PTPRD: variants seen among roughly 807,000 people sequenced by gnomAD.
PTPRD encodes the protein protein tyrosine phosphatase receptor type D.
In PTPRD, 34 loss-of-function variants were observed where a neutral mutation model predicts 214.5. That is an observed-to-expected ratio of 0.16 (90% CI 0.12 to 0.21). PTPRD has a LOEUF of 0.21. PTPRD is among the 10% of genes least tolerant of loss of function. The pLI is 1.00. For synonymous variants in PTPRD, 1,128 were observed against 845.7 expected (o/e 1.33, Z -5.79); for missense variants, 2,545 against 2,398.7 (o/e 1.06, Z -1.27).
At chr9:10,514,701 T>A (rs1482887450) in intron 2 of PTPRD, among the ~76,000 whole-genome samples, 1 of 151,958 alleles carries the variant, frequency 6.6e-6, no homozygotes, top group Non-Finnish European at 1.5e-5. Flanking sequence ...AACAAACATA[T>A]TCTTTATTGT....
At chr9:9,400,150 T>C (rs2069689419) in intron 8 of PTPRD, among the ~76,000 whole-genome samples, 1 of 148,914 alleles carries the variant, frequency 6.7e-6, no homozygotes, top group South Asian at 2.1e-4. Context: ...AAAATATGAG[T>C]TGTAAGTACC....
At chr9:9,267,744 G>C (rs1337150765) in intron 9 of PTPRD, among the ~76,000 whole-genome samples, 2 of 150,488 alleles carry the variant, frequency 1.3e-5, no homozygotes. Context: ...CAATATATGT[G>C]ATATACCACA....
intron 4 of PTPRD, among the ~76,000 whole-genome samples, chr9:9,954,130 T>C (rs1167117421): frequency 6.6e-6 from 1 of 151,274 alleles, no homozygotes; most frequent in Non-Finnish European, 1.5e-5. Context: ...ACCCTGTCTC[T>C]ACAAAAAATA....
chr9:8,841,652 T>A (rs1169044510), intron 11 of PTPRD, among the ~76,000 whole-genome samples: 2 of 152,006 alleles, frequency 1.3e-5, no homozygotes, highest in Non-Finnish European at 2.9e-5. Flanking sequence ...TTCAGAAACC[T>A]GTTTTTGTTT....
At chr9:9,441,471 G>C (rs1034784908) in intron 8 of PTPRD, among the ~76,000 whole-genome samples, 1 of 152,168 alleles carries the variant, frequency 6.6e-6, no homozygotes. Flanking sequence ...TTTGAGTTCA[G>C]CTGGAGCATA....
At chr9:8,920,186 CA>C (rs1312997313) in intron 11 of PTPRD, among the ~76,000 whole-genome samples, 1 of 151,798 alleles carries the variant, frequency 6.6e-6, no homozygotes, top group East Asian at 1.9e-4. Flanking sequence ...ACTAACATAC[CA>C]AAAATTAGCT....
chr9:9,406,732 G>C (rs1442220283), intron 8 of PTPRD, among the ~76,000 whole-genome samples: 2 of 151,748 alleles, frequency 1.3e-5, no homozygotes, highest in African/African-American at 4.8e-5. Context: ...GATGCTTGAG[G>C]AAAGAGTCTG....
At chr9:10,590,754 C>T (rs987877760) in intron 2 of PTPRD, among the ~76,000 whole-genome samples, 1 of 151,846 alleles carries the variant, frequency 6.6e-6, no homozygotes, top group African/African-American at 2.4e-5. Flanking sequence ...TATACAGGCA[C>T]TCCCCCAAAA....
At chr9:9,478,828 T>C (rs1326216809) in intron 8 of PTPRD, among the ~76,000 whole-genome samples, 1 of 152,234 alleles carries the variant, frequency 6.6e-6, no homozygotes, top group Non-Finnish European at 1.5e-5. Flanking sequence ...AATTCTGCTC[T>C]GTTGGAGGTA....
At chr9:9,377,712 G>A (rs1311115631) in intron 9 of PTPRD, among the ~76,000 whole-genome samples, 1 of 152,050 alleles carries the variant, frequency 6.6e-6, no homozygotes, top group East Asian at 1.9e-4. Flanking sequence ...CCAGTTAAGC[G>A]GAAAAATGTT....
chr9:9,598,926 T>G (rs989646832), intron 7 of PTPRD, among the ~76,000 whole-genome samples: 3 of 151,998 alleles, frequency 2.0e-5, no homozygotes, highest in African/African-American at 7.2e-5. Context: ...TGTCTGACAT[T>G]TTAGCTCATC....
intron 11 of PTPRD, among the ~76,000 whole-genome samples, chr9:8,776,162 A>G (rs2095464391): frequency 6.6e-6 from 1 of 152,190 alleles, no homozygotes; most frequent in African/African-American, 2.4e-5. Flanking sequence ...ATGGAAGAGT[A>G]GAAGGACCGC....
At chr9:8,811,673 T>C (rs945198169) in intron 11 of PTPRD, among the ~76,000 whole-genome samples, 1 of 152,166 alleles carries the variant, frequency 6.6e-6, no homozygotes, top group African/African-American at 2.4e-5. Context: ...CTATTAAAAG[T>C]ATATATTCTC....
At chr9:8,616,248 G>C (rs1188298610) in intron 14 of PTPRD, among the ~76,000 whole-genome samples, 1 of 152,028 alleles carries the variant, frequency 6.6e-6, no homozygotes, top group Admixed American at 6.6e-5. Context: ...TTATCAGAAA[G>C]ACAAAAGCGT....
chr9:10,039,114 C>G (rs1347419645), intron 3 of PTPRD, among the ~76,000 whole-genome samples: 1 of 152,060 alleles, frequency 6.6e-6, no homozygotes, highest in Non-Finnish European at 1.5e-5. Context: ...AAAACTCTTC[C>G]TATCCCTATA....
chr9:10,350,236 T>A (rs192980822), intron 2 of PTPRD, among the ~76,000 whole-genome samples: 70 of 152,296 alleles, frequency 4.6e-4, no homozygotes, highest in African/African-American at 1.7e-3. Context: ...AGGCATTAAT[T>A]AGCAAAGACT....
At chr9:8,629,316 T>C (rs775722319) in intron 14 of PTPRD, among the ~76,000 whole-genome samples, 1 of 151,830 alleles carries the variant, frequency 6.6e-6, no homozygotes, top group Admixed American at 6.6e-5. Flanking sequence ...GATGGTGATA[T>C]CTCATTTTCC....
At chr9:8,895,450 T>C (rs1010155944) in intron 11 of PTPRD, among the ~76,000 whole-genome samples, 30 of 152,206 alleles carry the variant, frequency 2.0e-4, no homozygotes, top group African/African-American at 6.3e-4. Context: ...GAGTTTGATT[T>C]TAAATACACC....
chr9:10,432,900 C>G (rs561171197), intron 2 of PTPRD, among the ~76,000 whole-genome samples: 5 of 151,858 alleles, frequency 3.3e-5, no homozygotes, highest in Non-Finnish European at 7.4e-5. Flanking sequence ...AGTGTTCCTT[C>G]TTTATTGGAG....
Sources: gnomAD v4.1 joint callset for allele counts (sites outside exome capture counted in the v4.1 genomes callset) on GRCh38, gnomAD v4.1.1 for gene constraint, MANE v1.5 for transcripts, NCBI Gene and HGNC (gene_info 2026-07-23, HGNC 2026-07-21) for gene names.